CBARP: variants seen among roughly 807,000 people sequenced by gnomAD.
The protein encoded by CBARP is voltage-dependent calcium channel beta subunit-associated regulatory protein.
In CBARP, 24 loss-of-function variants were observed where a neutral mutation model predicts 36.3. The ratio of observed to expected loss-of-function variants is 0.66; its 90% CI spans 0.48 to 0.93. CBARP has a LOEUF of 0.93. Ranked by LOEUF, CBARP falls within the 40% of genes least tolerant of loss-of-function variation. The probability of loss-of-function intolerance (pLI) is 0.00; values close to 1 mark genes in which losing one functional copy is unlikely to be tolerated. For synonymous variants in CBARP, 586 were observed against 453.2 expected (o/e 1.29, Z -3.72); for missense variants, 1,146 against 980.4 (o/e 1.17, Z -2.26).
intron 8 of CBARP, 71 bp from the exon 9 acceptor site, chr19:1,231,346 C>T: frequency 1.3e-6 from 2 of 1,520,922 alleles, no homozygotes; most frequent in Admixed American, 1.8e-5. Context: ...CACAGAATGC[C>T]TATGCCCCCC....
chr19:1,230,789 G>A (rs1356025582), intron 9 of CBARP: 1 of 1,414,686 alleles, frequency 7.1e-7, no homozygotes, highest in Non-Finnish European at 9.2e-7. Context: ...GTGGGAGAGG[G>A]CCTGGGACCA....
chr19:1,235,656 A>G (rs1054544248), intron 3 of CBARP, 91 bp from the exon 4 acceptor site: 66 of 1,586,940 alleles, frequency 4.2e-5, no homozygotes, highest in Non-Finnish European at 5.6e-5. Context: ...AGCCCTGCGC[A>G]TCACCCAGTC....
chr19:1,233,087 C>T (rs1443681582), intron 8 of CBARP, among the ~76,000 whole-genome samples: 1 of 152,252 alleles, frequency 6.6e-6, no homozygotes, highest in Non-Finnish European at 1.5e-5. Context: ...CAGGCCCCAC[C>T]CTCTGCGCTC....
At chr19:1,235,228 C>T in intron 4 of CBARP, 83 bp from the exon 5 acceptor site, 1 of 1,355,836 alleles carries the variant, frequency 7.4e-7, no homozygotes, top group South Asian at 1.8e-5. Context: ...CTCCGGGCGG[C>T]CACGGCAGGG....
Position 1,233,621 on chromosome 19 carries a change from T to C in CBARP, c.784A>G (p.Arg262Gly). The C allele has an allele frequency of 6.2e-7, 1 of 1,608,822 alleles. No individual in the cohort carries two copies. The highest frequency in any genetic ancestry group is 8.5e-7 in the Non-Finnish European group (1 of 1,178,244). Residue 262 changes from arginine to glycine, a missense_variant, in exon 8 of 10, where the codon AGG becomes GGG. Arg to Gly is a moderately radical substitution (Grantham distance 125, BLOSUM62 -2). Transcript: ENST00000650044. ...GEGTSLDAGT[R>G]STKAGGPGAA... ...CCGGGCCCTCCAGCCTTGGTGCTCC[T>C]GGTACCGGCATCCAACTGGCAGGGA... is the stretch of plus-strand genomic sequence containing the variant.
At position 1,234,326 on chromosome 19, in the gene CBARP, C is replaced by T. The variant is rs368975309; in HGVS notation, c.633G>A (p.Pro211=). ...CAGAGCGGCCGGTGAGGGCCTTCCC[C>T]GGGGGCTGTGGGACAGAGCCAGGTG... ...PKATLAIFQP[P]GKALTGRSVG... is the part of the protein sequence containing the mutation. The change falls in exon 7 of 10, where the codon CCG becomes CCA. Residue 211 remains proline, a synonymous_variant. Transcript: ENST00000650044. 57 of 1,442,636 alleles carry T rather than the reference C, an allele frequency of 4.0e-5. No individual in the cohort carries two copies. The highest frequency in any genetic ancestry group is 1.3e-4 in the East Asian group (5 of 39,402). The allele number at this position is 1,442,636 out of a possible 1,614,324, so 89.4% of individuals were successfully genotyped here. A position where few individuals can be genotyped will look rare whatever the true frequency, so the allele number is the denominator to read the frequency against.
Position 1,229,820 on chromosome 19 carries a change from C to G in CBARP, c.1477G>C (p.Gly493Arg), listed in dbSNP as rs2080865652. The stretch of plus-strand genomic sequence containing the variant: ...ATCTGCAGCAGCCGGCGCGCCTCGC[C>G]GTCCTTGGGCCGCGGCGCGGGCGGG... ...PSPPAPRPKD[G>R]EARRLLQMDS... is the part of the protein sequence containing the mutation. The change falls in exon 10 of 10, where the codon GGC becomes CGC. Residue 493 changes from glycine (G) to arginine (R), a missense_variant. Gly to Arg is a moderately radical substitution (Grantham distance 125). Coordinates refer to ENST00000650044, the MANE Select transcript of CBARP (RefSeq NM_001393918.1). The surrounding 1 kb of genome is among the most constrained non-coding windows in gnomAD (Gnocchi z 5.1). 1 of 987,018 alleles carries G rather than the reference C, an allele frequency of 1.0e-6. No individual in the cohort carries two copies. The highest frequency in any genetic ancestry group is 1.2e-6 in the Non-Finnish European group (1 of 831,742). The allele number at this position is 987,018 out of a possible 1,614,324, so 61.1% of individuals were successfully genotyped here.
chr19:1,230,050 G>T lies in CBARP; in HGVS notation c.1247C>A (p.Pro416Gln). The T allele has an allele frequency of 8.2e-7, 1 of 1,214,188 alleles. No homozygotes were observed. The highest frequency in any genetic ancestry group is 3.1e-5 in the Admixed American group (1 of 31,936). The allele number at this position is 1,214,188 out of a possible 1,614,324, so 75.2% of individuals were successfully genotyped here. Residue 416 changes from proline to glutamine, a missense_variant, in exon 10 of 10, where the codon CCA becomes CAA. Pro to Gln is a moderately conservative substitution (Grantham distance 76). Transcript: ENST00000650044. ...GSAGPEQQQP[P>Q]LEPDAERDAG... is the part of the protein sequence containing the mutation. ...GTCCCGCTCGGCGTCCGGCTCCAGT[G>T]GCGGCTGCTGCTGCTCAGGCCCCGC... is the stretch of plus-strand genomic sequence containing the variant.
At chr19:1,232,713 C>T (rs1455224238) in intron 8 of CBARP, among the ~76,000 whole-genome samples, 1 of 152,240 alleles carries the variant, frequency 6.6e-6, no homozygotes. Flanking sequence ...GGCAAAAGCA[C>T]CCCCTGCCCC....
intron 5 of CBARP, 93 bp downstream of exon 5, chr19:1,234,908 G>A (rs923368261): frequency 1.3e-5 from 19 of 1,516,112 alleles, no homozygotes; most frequent in South Asian, 1.3e-5. Context: ...CTCTGCCTTG[G>A]TCCCTGCAGC....
intron 9 of CBARP, 73 bp downstream of exon 9, chr19:1,231,028 C>G: frequency 6.5e-7 from 1 of 1,549,120 alleles, no homozygotes. Flanking sequence ...GCTCCCTGGG[C>G]CGCCTAGGGG....
In CBARP at chr19:1,234,266, G is replaced by T; in HGVS notation, c.693C>A (p.Tyr231Ter). 1 of 1,464,094 alleles carries T rather than the reference G, an allele frequency of 6.8e-7. No individual in the cohort carries two copies. The highest frequency in any genetic ancestry group is 1.4e-5 in the South Asian group (1 of 69,490). 90.7% of individuals were successfully genotyped at this position (1,464,094 alleles called of 1,614,324 possible). Reference sequence around the variant, plus strand: ...AGTCAGTGGCGCCCGCGGCTGAGTTGTAGGGGTCACCTGGCAGGGCGGAGC... The same window carrying T: ...AGTCAGTGGCGCCCGCGGCTGAGTTTTAGGGGTCACCTGGCAGGGCGGAGC... ...GPSSALPGDPYNSAAGATDFA... is the reference protein window; with the variant it reads ...GPSSALPGDP The change falls in exon 7 of 10, where the codon TAC becomes TAA. Residue 231 changes from tyrosine (Y) to a stop codon, truncating the protein, a stop_gained. Coordinates refer to ENST00000650044, the MANE Select transcript of CBARP (RefSeq NM_001393918.1). LOFTEE classifies it high-confidence loss of function.
At position 1,234,221 on chromosome 19, in the gene CBARP, C is replaced by A; in HGVS notation, c.738G>T (p.Ser246=). 2.0e-6 allele frequency: 3 copies of A among 1,519,914 alleles called. No homozygotes were observed. The highest frequency in any genetic ancestry group is 2.4e-5 in the East Asian group (1 of 41,670). 94.2% of individuals were successfully genotyped at this position (1,519,914 alleles called of 1,614,324 possible). A position where few individuals can be genotyped will look rare whatever the true frequency, so the allele number is the denominator to read the frequency against. ...TGCCTTCCCCAGAGTCGCTAGATGC[C>A]GAGGGGCTGATCTCTGCGAAGTCAG... The part of the protein sequence containing the change: ...GATDFAEISP[S]ASSDSGEGTS... Residue 246 remains serine, a synonymous_variant, in exon 7 of 10, where the codon TCG becomes TCT. Coordinates refer to ENST00000650044, the MANE Select transcript of CBARP (RefSeq NM_001393918.1).
chr19:1,235,668 C>T lies in CBARP; in HGVS notation c.246-103G>A. 4.4e-6 allele frequency: 7 copies of T among 1,590,804 alleles called. No homozygotes were observed. In the South Asian group the frequency reaches 4.5e-5, roughly 10 times the overall value. On this transcript the variant is annotated intron_variant, in intron 3 of 9. Coordinates refer to ENST00000650044, the MANE Select transcript of CBARP (RefSeq NM_001393918.1). ...CCAAGCCCTGCGCATCACCCAGTCT[C>T]CAGAGGCATAGCCCACCCTGTGACT...
rs776527388 is a variant in CBARP, at chr19:1,235,483, G to C, written c.310+18C>G. The C allele has an allele frequency of 6.4e-7, 1 of 1,570,826 alleles. No homozygotes were observed. Among genetic ancestry groups the C allele is most frequent in the South Asian group, 1.2e-5 (1 of 85,214 alleles). ...GGATGGACAGGCGAGCGCACAGCCA[G>C]GCTGGCCAGCACCTCACCTTGGGCT... On this transcript the variant is annotated intron_variant, in intron 4 of 9. Coordinates refer to ENST00000650044, the MANE Select transcript of CBARP (RefSeq NM_001393918.1).
At chr19:1,232,607 G>A (rs1383402580) in intron 8 of CBARP, among the ~76,000 whole-genome samples, 1 of 152,186 alleles carries the variant, frequency 6.6e-6, no homozygotes, top group Non-Finnish European at 1.5e-5. Flanking sequence ...GCCCAGATAA[G>A]GCAGCCCTGT....
chr19:1,233,277 C>A, intron 8 of CBARP, 149 bp downstream of exon 8: 1 of 848,390 alleles, frequency 1.2e-6, no homozygotes, highest in Non-Finnish European at 1.8e-6. Context: ...TCAGGCAGCA[C>A]GCCCGCTGGC....
Position 1,234,350 on chromosome 19 carries a change from TG to T in CBARP, c.628-20del. The T allele has an allele frequency of 7.0e-7, 1 of 1,433,184 alleles. No homozygotes were observed. The highest frequency in any genetic ancestry group is 9.2e-7 in the Non-Finnish European group (1 of 1,092,024). 88.8% of individuals were successfully genotyped at this position (1,433,184 alleles called of 1,614,324 possible). ...CCGGGGGCTGTGGGACAGAGCCAGG[TG>T]GGGGAGGAAGCAGTGACAGGTCAAA... On this transcript the variant is annotated intron_variant, in intron 6 of 9. Coordinates refer to ENST00000650044, the MANE Select transcript of CBARP (RefSeq NM_001393918.1).
intron 4 of CBARP, 173 bp downstream of exon 4, chr19:1,235,328 T>G (rs958986731): frequency 1.9e-6 from 2 of 1,041,040 alleles, no homozygotes; most frequent in African/African-American, 3.3e-5. Context: ...AGCACGCGCC[T>G]GGGCCCACCT....
Sources: gnomAD v4.1 joint callset for allele counts (sites outside exome capture counted in the v4.1 genomes callset) on GRCh38, gnomAD v4.1.1 for gene constraint, Gnocchi (gnomAD v3.1) non-coding constraint, MANE v1.5 for transcripts, NCBI Gene and HGNC (gene_info 2026-07-23, HGNC 2026-07-21) for gene names.